BTNL3: variants seen among roughly 807,000 people sequenced by gnomAD.
BTNL3 encodes butyrophilin like 3.
BTNL3 carries 20 observed loss-of-function variants against 40.1 expected under a neutral mutation model. The observed-to-expected ratio is 0.50, with a 90% CI of 0.35 to 0.72. BTNL3 has a LOEUF of 0.72. Ranked by LOEUF, BTNL3 falls within the 30% of genes least tolerant of loss-of-function variation. The pLI is 0.01. For synonymous variants in BTNL3, 179 were observed against 222.1 expected (o/e 0.81, Z 1.73); for missense variants, 449 against 582.2 (o/e 0.77, Z 2.35).
chr5:180,995,368 T>C lies in BTNL3; in HGVS notation c.398-1845T>C, dbSNP rs1262101021. 2.2e-5 allele frequency among the ~76,000 whole-genome samples: 3 copies of C among 136,802 alleles called. 1 individual carries two copies. The highest frequency in any genetic ancestry group is 4.3e-4 in the East Asian group (2 of 4,660). 89.7% of individuals were successfully genotyped at this position (136,802 alleles called of 152,430 possible). A position where few individuals can be genotyped will look rare whatever the true frequency, so the allele number is the denominator to read the frequency against. On this transcript the variant is annotated intron_variant, in intron 2 of 7. Coordinates refer to ENST00000342868, the MANE Select transcript of BTNL3 (RefSeq NM_197975.3). ...TAATTTTTAGTTGAAATCTAAATGG[T>C]TTAACTATTGTAAGATACTCTAGAC...
intron 3 of BTNL3, among the ~76,000 whole-genome samples, chr5:181,001,986 C>T (rs936737573): frequency 7.4e-6 from 1 of 135,140 alleles, no homozygotes; most frequent in Admixed American, 7.9e-5. Flanking sequence ...GCACCTGGCC[C>T]AGAGTTTTCT....
chr5:181,004,682 C>T (rs1036285276), intron 6 of BTNL3, 54 bp from the exon 7 acceptor site: 33 of 1,613,766 alleles, frequency 2.0e-5, no homozygotes, highest in African/African-American at 1.6e-4. Flanking sequence ...CTTCTCCCTG[C>T]GCCCTGTTTC....
At position 180,988,987 on chromosome 5, in the gene BTNL3, T is replaced by C; in HGVS notation, c.-42T>C. On this transcript the variant is annotated 5_prime_UTR_variant, in exon 1 of 8. Coordinates refer to ENST00000342868, the MANE Select transcript of BTNL3 (RefSeq NM_197975.3). ...CCAAATCATCCATCCACCCCTGCTG[T>C]CATCTGTTTTCATAGTGTGAGATCA... 1 of 1,432,642 alleles carries C rather than the reference T, an allele frequency of 7.0e-7. No individual in the cohort carries two copies. The highest frequency in any genetic ancestry group is 9.6e-7 in the Non-Finnish European group (1 of 1,042,768). 88.7% of individuals were successfully genotyped at this position (1,432,642 alleles called of 1,614,324 possible).
intron 1 of BTNL3, among the ~76,000 whole-genome samples, 182 bp from the exon 2 acceptor site, chr5:180,992,631 C>T (rs749909796): frequency 7.3e-6 from 1 of 137,022 alleles, no homozygotes. Context: ...GTGTGAGAAC[C>T]GAGTGAAGTA....
At chr5:180,997,061 GAGAC>G (rs1365035207) in intron 2 of BTNL3, among the ~76,000 whole-genome samples, 148 bp from the exon 3 acceptor site, 1 of 136,554 alleles carries the variant, frequency 7.3e-6, no homozygotes, top group South Asian at 2.2e-4. Flanking sequence ...GTGTGTGTAA[GAGAC>G]AGAGAGAAAA....
rs116635376 is a variant in BTNL3, at chr5:180,998,386, A to G, written c.673+898A>G. Among the ~76,000 whole-genome samples, 586 of 136,740 alleles carry G rather than the reference A, an allele frequency of 4.3e-3. 79 individuals carry two copies. The highest frequency in any genetic ancestry group is 0.013 in the African/African-American group (520 of 39,862). The allele number at this position is 136,740 out of a possible 152,430, so 89.7% of individuals were successfully genotyped here. The stretch of plus-strand genomic sequence containing the variant: ...CATAGAAAATATCAACAGAAATAAG[A>G]AAAAAGGTCATACTTCGAGTTCTAA... On this transcript the variant is annotated intron_variant, in intron 3 of 7. Transcript: ENST00000342868.
At chr5:180,993,775 A>G (rs1309871219) in intron 2 of BTNL3, among the ~76,000 whole-genome samples, 2 of 136,440 alleles carry the variant, frequency 1.5e-5, no homozygotes, top group Admixed American at 1.5e-4. Context: ...TGTTTAAACC[A>G]TCATATATAA....
At chr5:180,998,162 G>A (rs1760058457) in intron 3 of BTNL3, among the ~76,000 whole-genome samples, 1 of 136,492 alleles carries the variant, frequency 7.3e-6, no homozygotes. Flanking sequence ...TAGCACATAT[G>A]AGCTATTCAT....
At chr5:180,990,877 G>A (rs1759959901) in intron 1 of BTNL3, among the ~76,000 whole-genome samples, 1 of 137,372 alleles carries the variant, frequency 7.3e-6, no homozygotes, top group South Asian at 2.2e-4. Context: ...GTCCCACTGG[G>A]TCCTTTGGAG....
At position 180,995,051 on chromosome 5, in the gene BTNL3, T is replaced by C. The variant is rs1760018914; in HGVS notation, c.397+1891T>C. 1.5e-5 allele frequency among the ~76,000 whole-genome samples: 2 copies of C among 136,756 alleles called. 1 individual carries two copies. The highest frequency in any genetic ancestry group is 1.5e-4 in the Admixed American group (2 of 12,920). The allele number at this position is 136,756 out of a possible 152,430, so 89.7% of individuals were successfully genotyped here. A position where few individuals can be genotyped will look rare whatever the true frequency, so the allele number is the denominator to read the frequency against. On this transcript the variant is annotated intron_variant, in intron 2 of 7. Coordinates refer to ENST00000342868, the MANE Select transcript of BTNL3 (RefSeq NM_197975.3). ...ATCCACCCGCCTTGGCCTCCCAAAG[T>C]GCTGGGATTACAGGCCTGAGCCACC...
In BTNL3 at chr5:181,006,165, C is replaced by G. The variant is rs1760228018; in HGVS notation, c.*293C>G. The G allele has an allele frequency of 2.3e-6, 1 of 436,028 alleles. No individual in the cohort carries two copies. Among genetic ancestry groups the G allele is most frequent in the Non-Finnish European group, 4.0e-6 (1 of 249,398 alleles). The allele number at this position is 436,028 out of a possible 1,614,324, so 27.0% of individuals were successfully genotyped here. A position where few individuals can be genotyped will look rare whatever the true frequency, so the allele number is the denominator to read the frequency against. ...TAGGTTTAGTTTGTGAAAACTCCAT[C>G]CAGCTAAGCGATCTTGAACAAGTCA... On this transcript the variant is annotated 3_prime_UTR_variant, in exon 8 of 8. Coordinates refer to ENST00000342868, the MANE Select transcript of BTNL3 (RefSeq NM_197975.3).
chr5:181,003,085 G>C (rs1008611166), intron 4 of BTNL3, among the ~76,000 whole-genome samples: 13 of 136,576 alleles, frequency 9.5e-5, no homozygotes, highest in African/African-American at 3.3e-4. Flanking sequence ...GCTGAGTGCC[G>C]TGGCTCGTGT....
Position 181,005,991 on chromosome 5 carries a change from C to A in BTNL3, c.*119C>A, listed in dbSNP as rs1196463042. The A allele has an allele frequency of 7.9e-6, 9 of 1,134,964 alleles. No individual in the cohort carries two copies. Among genetic ancestry groups the A allele is most frequent in the Non-Finnish European group, 1.1e-5 (9 of 817,176 alleles). 70.3% of individuals were successfully genotyped at this position (1,134,964 alleles called of 1,614,324 possible). ...GGAGCCTGCGCACAGAGAGTCACGC[C>A]CCCCACTCTCCTTTAGGGAGCTGAG... On this transcript the variant is annotated 3_prime_UTR_variant, in exon 8 of 8. Transcript: ENST00000342868.
At chr5:180,991,108 A>G (rs1359773215) in intron 1 of BTNL3, among the ~76,000 whole-genome samples, 1 of 136,866 alleles carries the variant, frequency 7.3e-6, no homozygotes, top group Non-Finnish European at 1.7e-5. Context: ...TGCCCATCCC[A>G]TTCCAGGGGG....
At chr5:181,002,513 G>A (rs1423316891) in intron 3 of BTNL3, among the ~76,000 whole-genome samples, 159 bp from the exon 4 acceptor site, 4 of 84,218 alleles carry the variant, frequency 4.7e-5, no homozygotes, top group African/African-American at 1.2e-4. Context: ...TATGAAATCC[G>A]GATGGATCAA....
At position 180,999,130 on chromosome 5, in the gene BTNL3, A is replaced by AAT. The variant is rs767481881; in HGVS notation, c.673+1657_673+1658dup. On this transcript the variant is annotated intron_variant, in intron 3 of 7. Transcript: ENST00000342868. The stretch of plus-strand genomic sequence containing the variant: ...CGATAGAGCAAGACTCCATCTCAAA[A>AAT]ATATATATATATATATCCTTTAATG... 8.0e-3 allele frequency among the ~76,000 whole-genome samples: 1,066 copies of AAT among 133,580 alleles called. 123 individuals carry two copies. Among genetic ancestry groups the AAT allele is most frequent in the African/African-American group, 0.025 (969 of 39,176 alleles). 87.6% of individuals were successfully genotyped at this position (133,580 alleles called of 152,430 possible).
At chr5:181,000,021 A>G (rs1440712259) in intron 3 of BTNL3, among the ~76,000 whole-genome samples, 1 of 136,428 alleles carries the variant, frequency 7.3e-6, no homozygotes, top group Admixed American at 7.8e-5. Context: ...GAAAAATAGG[A>G]AATATTAAAC....
intron 1 of BTNL3, 94 bp from the exon 2 acceptor site, chr5:180,992,719 C>T (rs1759984755): frequency 7.4e-7 from 1 of 1,347,476 alleles, no homozygotes; most frequent in African/African-American, 1.4e-5. Flanking sequence ...CTGATGGATC[C>T]CCCACCCCAT....
chr5:180,990,397 C>T (rs1759953514), intron 1 of BTNL3, among the ~76,000 whole-genome samples: 1 of 137,614 alleles, frequency 7.3e-6, no homozygotes, highest in Admixed American at 7.6e-5. Context: ...CTTATGATGA[C>T]ATAGAGATAA....
Sources: gnomAD v4.1 joint callset for allele counts (sites outside exome capture counted in the v4.1 genomes callset) on GRCh38, gnomAD v4.1.1 for gene constraint, MANE v1.5 for transcripts, NCBI Gene and HGNC (gene_info 2026-07-23, HGNC 2026-07-21) for gene names.